The following NELL1 variants were observed in gnomAD, a reference collection of about 807,000 sequenced individuals.
The protein encoded by NELL1 is protein kinase C-binding protein NELL1.
NELL1 carries 76 observed loss-of-function variants against 107.4 expected under a neutral mutation model. The ratio of observed to expected loss-of-function variants is 0.71; its 90% confidence interval spans 0.59 to 0.86. The LOEUF is 0.86. Ranked by LOEUF, NELL1 falls within the 40% of genes least tolerant of loss-of-function variation. The probability of loss-of-function intolerance (pLI) is 0.00; values close to 1 mark genes in which losing one functional copy is unlikely to be tolerated. For missense variants in NELL1, 1,024 were observed against 1,005.5 expected, an observed-to-expected ratio of 1.02 and a Z score of -0.25; for synonymous variants, 353 against 341.2, an observed-to-expected ratio of 1.03 and a Z score of -0.38.
chr11:21,291,372 G>A (rs1217235169), intron 14 of NELL1, among the ~76,000 whole-genome samples: 2 of 152,130 alleles, frequency 1.3e-5, no homozygotes, highest in East Asian at 1.9e-4. Flanking sequence ...AGCACTAAAT[G>A]CCCATGGAAG....
intron 13 of NELL1, among the ~76,000 whole-genome samples, chr11:21,133,454 C>T (rs1855670561): frequency 6.6e-6 from 1 of 152,154 alleles, no homozygotes; most frequent in African/African-American, 2.4e-5. Context: ...CCACCATCAA[C>T]CTGCTGTCCC....
chr11:21,090,553 C>T (rs1352137379), intron 12 of NELL1, among the ~76,000 whole-genome samples: 1 of 152,090 alleles, frequency 6.6e-6, no homozygotes, highest in South Asian at 2.1e-4. Flanking sequence ...AGCTGTGTGA[C>T]GTTGAGCTCA....
intron 15 of NELL1, among the ~76,000 whole-genome samples, chr11:21,482,648 T>C (rs1854521298): frequency 6.6e-6 from 1 of 151,992 alleles, no homozygotes; most frequent in Non-Finnish European, 1.5e-5. Flanking sequence ...GTGACTTCTG[T>C]TTACTAGACA....
chr11:21,363,024 C>A (rs1411388138), intron 14 of NELL1, among the ~76,000 whole-genome samples: 1 of 151,858 alleles, frequency 6.6e-6, no homozygotes, highest in Non-Finnish European at 1.5e-5. Context: ...TCCCGCAGTG[C>A]TCTGCTCAGG....
At chr11:20,971,815 C>T (rs1170038529) in intron 12 of NELL1, among the ~76,000 whole-genome samples, 1 of 152,078 alleles carries the variant, frequency 6.6e-6, no homozygotes, top group East Asian at 1.9e-4. Flanking sequence ...GAAAATGTAG[C>T]ACATATAGCC....
chr11:21,278,626 TA>T (rs540645733), intron 14 of NELL1, among the ~76,000 whole-genome samples: 4 of 151,892 alleles, frequency 2.6e-5, no homozygotes, highest in Non-Finnish European at 5.9e-5. Flanking sequence ...AAACTCAGTT[TA>T]AAAAAAATCA....
At chr11:21,557,463 A>G (rs77532877) in intron 16 of NELL1, among the ~76,000 whole-genome samples, 1,886 of 152,128 alleles carry the variant, frequency 0.012, 39 homozygotes, top group East Asian at 0.076. Flanking sequence ...GTCAATGTAG[A>G]TATTTTTTAG....
intron 12 of NELL1, among the ~76,000 whole-genome samples, chr11:21,086,900 C>T (rs1330082257): frequency 7.0e-5 from 10 of 142,996 alleles, no homozygotes; most frequent in African/African-American, 5.3e-5. Flanking sequence ...GGAACGATCT[C>T]GGCTCACTGC....
chr11:20,962,559 G>T (rs920530513), intron 12 of NELL1, among the ~76,000 whole-genome samples: 1 of 152,002 alleles, frequency 6.6e-6, no homozygotes. Flanking sequence ...AAAACTGCTG[G>T]TGCTAATGCT....
At chr11:20,695,158 T>G (rs1457725547) in intron 2 of NELL1, among the ~76,000 whole-genome samples, 1 of 152,194 alleles carries the variant, frequency 6.6e-6, no homozygotes, top group Non-Finnish European at 1.5e-5. Context: ...CCTGAAAGTT[T>G]ACTGAAGTCG....
At chr11:21,209,958 A>G (rs1409167651) in intron 13 of NELL1, among the ~76,000 whole-genome samples, 1 of 152,144 alleles carries the variant, frequency 6.6e-6, no homozygotes, top group Non-Finnish European at 1.5e-5. Context: ...CTTATTCTGG[A>G]CATTTTATAT....
At chr11:21,368,220 T>C (rs975527094) in intron 14 of NELL1, among the ~76,000 whole-genome samples, 1 of 152,086 alleles carries the variant, frequency 6.6e-6, no homozygotes, top group African/African-American at 2.4e-5. Context: ...ATAAAGATCA[T>C]TAAAAATAAT....
At chr11:20,994,548 GT>G (rs34324586) in intron 12 of NELL1, among the ~76,000 whole-genome samples, 8,245 of 152,222 alleles carry the variant, frequency 0.054, 356 homozygotes, top group East Asian at 0.23. Context: ...TGAATAAAAA[GT>G]TTTTTTAAGT....
At chr11:21,087,902 G>A (rs928322685) in intron 12 of NELL1, among the ~76,000 whole-genome samples, 2 of 152,164 alleles carry the variant, frequency 1.3e-5, no homozygotes, top group Admixed American at 6.5e-5. Flanking sequence ...TGTCAGAGAC[G>A]TGTTCCAGAA....
intron 14 of NELL1, among the ~76,000 whole-genome samples, chr11:21,303,507 A>AT (rs1367100560): frequency 6.6e-6 from 1 of 152,042 alleles, no homozygotes; most frequent in Non-Finnish European, 1.5e-5. Flanking sequence ...CTTATGTATG[A>AT]TTCCCTCTCC....
intron 2 of NELL1, among the ~76,000 whole-genome samples, chr11:20,701,030 G>A (rs1255370382): frequency 6.6e-6 from 1 of 152,130 alleles, no homozygotes; most frequent in Non-Finnish European, 1.5e-5. Flanking sequence ...ACTCAGTAAT[G>A]GGATGGCTGG....
chr11:20,908,660 A>G (rs1850059098), intron 5 of NELL1, among the ~76,000 whole-genome samples: 1 of 152,216 alleles, frequency 6.6e-6, no homozygotes, highest in South Asian at 2.1e-4. Context: ...CTGCACATGT[A>G]TCCTGGAACT....
chr11:21,224,136 G>C (rs1489380949), intron 13 of NELL1, among the ~76,000 whole-genome samples: 1 of 152,208 alleles, frequency 6.6e-6, no homozygotes, highest in East Asian at 1.9e-4. Context: ...AATGTGCCTT[G>C]GCAAGGACCT....
At chr11:20,886,253 A>AT (rs1048574563) in intron 5 of NELL1, among the ~76,000 whole-genome samples, 25 of 152,048 alleles carry the variant, frequency 1.6e-4, no homozygotes, top group East Asian at 7.7e-4. Flanking sequence ...TACATCCAAA[A>AT]TTTTTTTTAA....
Sources: allele counts gnomAD v4.1 joint callset (sites outside exome capture counted in the v4.1 genomes callset), GRCh38; gene constraint gnomAD v4.1.1; transcripts MANE v1.5; gene names NCBI Gene and HGNC (gene_info 2026-07-23, HGNC 2026-07-21).